The following KCNU1 variants were observed in gnomAD, a reference collection of about 807,000 sequenced individuals.
KCNU1 encodes the protein potassium channel subfamily U member 1.
A neutral mutation model predicts 126.8 loss-of-function variants in KCNU1; 93 were observed. The observed-to-expected ratio is 0.73, with a 90% confidence interval of 0.62 to 0.87. The LOEUF (loss-of-function observed/expected upper bound fraction) is 0.87. Among genes scored for constraint, KCNU1 ranks in the 40% least tolerant of loss-of-function variants. The probability of loss-of-function intolerance (pLI) is 0.00; values close to 1 mark genes in which losing one functional copy is unlikely to be tolerated. For synonymous variants in KCNU1, 523 were observed against 494.2 expected (o/e 1.06, Z -0.77); for missense variants, 1,330 against 1,367.1 (o/e 0.97, Z 0.43).
chr8:36,893,334 T>C (rs997502575), intron 19 of KCNU1, among the ~76,000 whole-genome samples: 32 of 151,688 alleles, frequency 2.1e-4, no homozygotes, highest in Non-Finnish European at 4.0e-4. Context: ...GGTCTTTTTT[T>C]TTTTTGCGAC....
At chr8:36,805,090 TG>T in intron 3 of KCNU1, 104 bp from the exon 4 acceptor site, 2 of 692,530 alleles carry the variant, frequency 2.9e-6, no homozygotes, top group South Asian at 3.8e-5. Context: ...TCTGGATTCA[TG>T]GTGAATAAAG....
chr8:36,894,005 A>G (rs1807081917), intron 19 of KCNU1, among the ~76,000 whole-genome samples: 1 of 152,138 alleles, frequency 6.6e-6, no homozygotes, highest in African/African-American at 2.4e-5. Context: ...CAAGCCAAAA[A>G]TCCAAAAATG....
intron 10 of KCNU1, among the ~76,000 whole-genome samples, chr8:36,829,966 C>A (rs1804470791): frequency 6.7e-6 from 1 of 150,266 alleles, no homozygotes. Context: ...TATCTAACCA[C>A]ATAAATTTTA....
At position 36,910,954 on chromosome 8, in the gene KCNU1, C is replaced by G; in HGVS notation, c.2356C>G (p.Leu786Val). ...GGGATGTGCACTTTATTCTGGAGAC[C>G]TCCATGCGGCCAACATAGAGCAATG... ...LPGCALYSGD[L>V]HAANIEQCSM... Residue 786 changes from leucine (L) to valine (V), a missense_variant, in exon 22 of 27, where the codon CTC becomes GTC. Coordinates refer to ENST00000399881, the MANE Select transcript of KCNU1 (RefSeq NM_001031836.3). 1 of 1,612,684 alleles carries G rather than the reference C, an allele frequency of 6.2e-7. No homozygotes were observed. The highest frequency in any genetic ancestry group is 1.1e-5 in the South Asian group (1 of 90,836).
In KCNU1 at chr8:36,802,675, G is replaced by T. The variant is rs192671556; in HGVS notation, c.316-1352G>T. 6.0e-3 allele frequency among the ~76,000 whole-genome samples: 916 copies of T among 152,194 alleles called. 10 individuals carry two copies. The highest frequency in any genetic ancestry group is 0.019 in the African/African-American group (808 of 41,542). On this transcript the variant is annotated intron_variant, in intron 2 of 26. Coordinates refer to ENST00000399881, the MANE Select transcript of KCNU1 (RefSeq NM_001031836.3). ...CACCGAAATCAAGGGAACCGCAAAT[G>T]GGATGCTTAGCCATTAAATATCAAA...
intron 21 of KCNU1, among the ~76,000 whole-genome samples, chr8:36,909,772 A>G (rs1807792796): frequency 6.6e-6 from 1 of 152,220 alleles, no homozygotes; most frequent in Non-Finnish European, 1.5e-5. Flanking sequence ...TACAGCCAGT[A>G]AGTAACTAAC....
intron 9 of KCNU1, among the ~76,000 whole-genome samples, chr8:36,816,347 CA>C (rs1803911477): frequency 6.6e-6 from 1 of 151,594 alleles, no homozygotes; most frequent in South Asian, 2.1e-4. Context: ...CCATCTAAGA[CA>C]AAAAGAATGA....
chr8:36,828,020 A>C (rs1804389520), intron 10 of KCNU1, among the ~76,000 whole-genome samples: 1 of 152,118 alleles, frequency 6.6e-6, no homozygotes, highest in Admixed American at 6.6e-5. Context: ...TTTTTACTGA[A>C]TATTACATGT....
intron 23 of KCNU1, among the ~76,000 whole-genome samples, chr8:36,919,708 A>T (rs1808270459): frequency 6.6e-6 from 1 of 152,238 alleles, no homozygotes; most frequent in Non-Finnish European, 1.5e-5. Flanking sequence ...GAACCAATTC[A>T]GAGATGATCT....
At chr8:36,914,838 A>T (rs566960271) in intron 22 of KCNU1, among the ~76,000 whole-genome samples, 15 of 152,344 alleles carry the variant, frequency 9.8e-5, no homozygotes, top group South Asian at 6.2e-4. Flanking sequence ...ATTTAAATGT[A>T]CCGAAGTAAT....
In KCNU1 at chr8:36,923,521, G is replaced by T. The variant is rs796281947; in HGVS notation, c.2736+892G>T. Among the ~76,000 whole-genome samples, 8 of 152,290 alleles carry T rather than the reference G, an allele frequency of 5.3e-5. 1 individual carries two copies. Among genetic ancestry groups the T allele is most frequent in the African/African-American group, 1.9e-4 (8 of 41,576 alleles). Reference sequence around the variant, plus strand: ...GAACACAGCATTCAGAAGCAGTGAGGTGGGAGTTGTTAGAAATAGATAATT... The same window carrying T: ...GAACACAGCATTCAGAAGCAGTGAGTTGGGAGTTGTTAGAAATAGATAATT... On this transcript the variant is annotated intron_variant, in intron 24 of 26. Transcript: ENST00000399881.
chr8:36,911,111 C>T lies in KCNU1; in HGVS notation c.2513C>T (p.Ser838Leu). 6.2e-7 allele frequency: 1 copy of T among 1,612,168 alleles called. No homozygotes were observed. The highest frequency in any genetic ancestry group is 8.5e-7 in the Non-Finnish European group (1 of 1,178,596). The change falls in exon 22 of 27, where the codon TCA (serine) becomes TTA (leucine). Residue 838 changes from serine to leucine, a missense_variant. This residue lies in a region of KCNU1 where 1,054 missense variants were observed against 1,053.9 expected (regional missense o/e 1.00). Coordinates refer to ENST00000399881, the MANE Select transcript of KCNU1 (RefSeq NM_001031836.3). ...QIDSSSDPSP[S>L]VSEETPGYTN... ...GACTCCTCCTCTGACCCGTCACCCTCAGTGTCAGGTGAGAACAGCACCCCT... is the reference window on the plus strand; with the variant it reads ...GACTCCTCCTCTGACCCGTCACCCTTAGTGTCAGGTGAGAACAGCACCCCT...
intron 24 of KCNU1, among the ~76,000 whole-genome samples, chr8:36,927,574 C>A (rs1808572017): frequency 6.6e-6 from 1 of 152,130 alleles, no homozygotes; most frequent in African/African-American, 2.4e-5. Context: ...TTGCAGTTTT[C>A]CTACCCTATA....
rs1439357236 is a variant in KCNU1 at position 36,817,853 on chromosome 8, A to G, written c.1106+93A>G. 69 of 647,948 alleles carry G rather than the reference A, an allele frequency of 1.1e-4. 1 individual carries two copies. The highest frequency in any genetic ancestry group is 7.2e-5 in the Non-Finnish European group (26 of 362,954). 40.1% of individuals were successfully genotyped at this position (647,948 alleles called of 1,614,324 possible). A position where few individuals can be genotyped will look rare whatever the true frequency, so the allele number is the denominator to read the frequency against. ...CAAGAAAATTACCTTCACAATATTT[A>G]TAGAAAAAGTAGGTATTGATCATAA... On this transcript the variant is annotated intron_variant, in intron 10 of 26. Coordinates refer to ENST00000399881, the MANE Select transcript of KCNU1 (RefSeq NM_001031836.3).
At chr8:36,881,881 G>A (rs574294478) in intron 19 of KCNU1, among the ~76,000 whole-genome samples, 1 of 149,766 alleles carries the variant, frequency 6.7e-6, no homozygotes, top group East Asian at 2.0e-4. Context: ...TCAAAGATAG[G>A]TATTTGAGTT....
At chr8:36,856,566 T>C (rs1456679459) in intron 18 of KCNU1, among the ~76,000 whole-genome samples, 3 of 148,428 alleles carry the variant, frequency 2.0e-5, no homozygotes, top group African/African-American at 2.5e-5. Context: ...TTAACAACCA[T>C]TGGGCTTATA....
chr8:36,923,686 C>G (rs1006099671), intron 24 of KCNU1, among the ~76,000 whole-genome samples: 6 of 152,202 alleles, frequency 3.9e-5, no homozygotes, highest in African/African-American at 1.4e-4. Context: ...ACATATTTAT[C>G]CCTTATGCAT....
chr8:36,830,078 T>C (rs1162546783), intron 10 of KCNU1, among the ~76,000 whole-genome samples: 1 of 149,598 alleles, frequency 6.7e-6, no homozygotes, highest in Non-Finnish European at 1.5e-5. Context: ...AATTTATCTT[T>C]ATTTTATCTT....
intron 19 of KCNU1, among the ~76,000 whole-genome samples, chr8:36,879,771 T>G (rs1419732992): frequency 6.6e-6 from 1 of 152,174 alleles, no homozygotes; most frequent in Non-Finnish European, 1.5e-5. Flanking sequence ...TAATAGTAAA[T>G]CACTAGGACT....
Sources: allele counts gnomAD v4.1 joint callset (sites outside exome capture counted in the v4.1 genomes callset), GRCh38; gene constraint gnomAD v4.1.1; regional missense constraint gnomAD v4.1.1; transcripts MANE v1.5; gene names NCBI Gene and HGNC (gene_info 2026-07-23, HGNC 2026-07-21).